Variants in INTS9 observed in about 807,000 individuals in gnomAD.
INTS9 encodes the protein protein related to CPSF subunits of 74 kDa.
Under a neutral mutation model 79.7 loss-of-function variants are expected in INTS9, and 55 were observed. The ratio of observed to expected loss-of-function variants is 0.69; its 90% CI spans 0.56 to 0.86. The LOEUF is 0.86. INTS9 is among the 40% of genes least tolerant of loss of function. The pLI, the probability that INTS9 is intolerant of heterozygous loss-of-function variation, is 0.00. For missense variants in INTS9, 721 were observed against 831.5 expected, an observed-to-expected ratio of 0.87 and a Z score of 1.64; for synonymous variants, 319 against 325.2, an observed-to-expected ratio of 0.98 and a Z score of 0.20.
chr8:28,871,672 C>T (rs1031167440), intron 1 of INTS9, among the ~76,000 whole-genome samples: 1 of 152,120 alleles, frequency 6.6e-6, no homozygotes, highest in Non-Finnish European at 1.5e-5. Flanking sequence ...TTCCAAAATG[C>T]TGGGATTACA....
intron 14 of INTS9, among the ~76,000 whole-genome samples, chr8:28,773,389 G>A (rs1410387850): frequency 2.7e-5 from 4 of 149,866 alleles, no homozygotes; most frequent in Non-Finnish European, 5.9e-5. Flanking sequence ...GCATGAAGCT[G>A]GGAGGCGGAG....
At chr8:28,812,503 T>A (rs748599165) in intron 7 of INTS9, 42 bp from the exon 8 acceptor site, 3 of 1,588,372 alleles carry the variant, frequency 1.9e-6, no homozygotes, top group Non-Finnish European at 2.6e-6. Context: ...GAGCTTACAG[T>A]GACAGTCACA....
At chr8:28,848,840 C>T (rs1807672826) in intron 3 of INTS9, among the ~76,000 whole-genome samples, 1 of 152,196 alleles carries the variant, frequency 6.6e-6, no homozygotes, top group African/African-American at 2.4e-5. Context: ...TAATGAAATA[C>T]TCCCACATAC....
intron 11 of INTS9, 62 bp downstream of exon 11, chr8:28,787,767 G>C: frequency 1.7e-6 from 2 of 1,169,904 alleles, no homozygotes; most frequent in Non-Finnish European, 2.6e-6. Context: ...CCTGCTGTCT[G>C]CATCTGCATC....
intron 2 of INTS9, among the ~76,000 whole-genome samples, chr8:28,858,461 G>A (rs758713665): frequency 6.6e-6 from 1 of 152,160 alleles, no homozygotes. Flanking sequence ...ATGTAAACAA[G>A]CTCCTCCCAA....
chr8:28,842,869 T>C (rs951308530), intron 4 of INTS9, among the ~76,000 whole-genome samples: 1 of 152,140 alleles, frequency 6.6e-6, no homozygotes, highest in Non-Finnish European at 1.5e-5. Context: ...TCTATTGGGG[T>C]CCCCTTCGAC....
intron 11 of INTS9, among the ~76,000 whole-genome samples, chr8:28,782,320 G>C (rs1456622383): frequency 6.6e-6 from 1 of 152,196 alleles, no homozygotes; most frequent in Non-Finnish European, 1.5e-5. Context: ...CAACACTCGT[G>C]AATCACCAAG....
At chr8:28,833,685 AAAAAG>A (rs1259573584) in intron 6 of INTS9, among the ~76,000 whole-genome samples, 1 of 151,958 alleles carries the variant, frequency 6.6e-6, no homozygotes, top group East Asian at 1.9e-4. Context: ...AAAGAAAAAA[AAAAAG>A]AAATCAAAAG....
intron 10 of INTS9, among the ~76,000 whole-genome samples, chr8:28,791,955 T>C (rs1585360458): frequency 2.6e-5 from 4 of 152,322 alleles, no homozygotes; most frequent in East Asian, 1.9e-4. Flanking sequence ...TGAAAACTGA[T>C]ACAGTGATTC....
intron 8 of INTS9, among the ~76,000 whole-genome samples, chr8:28,803,238 A>C (rs1313511475): frequency 6.6e-6 from 1 of 152,268 alleles, no homozygotes; most frequent in African/African-American, 2.4e-5. Context: ...AGTCAGACAG[A>C]GTAGCCAAGA....
intron 11 of INTS9, among the ~76,000 whole-genome samples, chr8:28,786,035 AC>A (rs1803566525): frequency 2.0e-5 from 3 of 152,218 alleles, no homozygotes; most frequent in South Asian, 4.1e-4. Context: ...TCACTACCAC[AC>A]TGGCATCTAA....
intron 12 of INTS9, chr8:28,780,354 A>C: frequency 1.0e-6 from 1 of 984,988 alleles, no homozygotes; most frequent in Non-Finnish European, 1.2e-6. Flanking sequence ...TACACTGATA[A>C]AATGATACAG....
chr8:28,824,666 G>A (rs1004269124), intron 6 of INTS9, among the ~76,000 whole-genome samples: 1 of 152,216 alleles, frequency 6.6e-6, no homozygotes, highest in Non-Finnish European at 1.5e-5. Context: ...GGCCGCCGCA[G>A]GGGCTGCTGC....
At chr8:28,810,427 T>C (rs1805045247) in intron 8 of INTS9, 3 of 152,280 alleles carry the variant, frequency 2.0e-5, no homozygotes, top group Non-Finnish European at 4.4e-5. Context: ...AGCTTCATTT[T>C]TGGTTTTATT....
At chr8:28,835,451 C>T (rs1412246177) in intron 5 of INTS9, 73 bp from the exon 6 acceptor site, 1 of 1,009,844 alleles carries the variant, frequency 9.9e-7, no homozygotes, top group Non-Finnish European at 1.5e-6. Flanking sequence ...TAACAGTTGG[C>T]CAGGAGAAAT....
intron 6 of INTS9, among the ~76,000 whole-genome samples, chr8:28,831,350 C>A (rs998553872): frequency 6.6e-6 from 1 of 152,158 alleles, no homozygotes; most frequent in Non-Finnish European, 1.5e-5. Context: ...ACAGCTAATG[C>A]ATATGGGGCT....
intron 1 of INTS9, among the ~76,000 whole-genome samples, chr8:28,881,241 A>G (rs56396026): frequency 1.9e-4 from 25 of 131,184 alleles, no homozygotes; most frequent in Admixed American, 3.0e-4. Flanking sequence ...CGCCCCGTCC[A>G]GGAGGGAGGT....
intron 9 of INTS9, among the ~76,000 whole-genome samples, chr8:28,795,490 AT>A (rs1804154710): frequency 6.6e-6 from 1 of 151,930 alleles, no homozygotes; most frequent in African/African-American, 2.4e-5. Flanking sequence ...AAATACAAAA[AT>A]TAGCCGGGCA....
intron 6 of INTS9, among the ~76,000 whole-genome samples, chr8:28,823,363 G>A (rs1805964270): frequency 6.6e-6 from 1 of 151,842 alleles, no homozygotes; most frequent in Non-Finnish European, 1.5e-5. Context: ...TGGAGTTCGA[G>A]AAAAACCTGT....
Sources: allele counts gnomAD v4.1 joint callset (sites outside exome capture counted in the v4.1 genomes callset), GRCh38; gene constraint gnomAD v4.1.1; transcripts MANE v1.5; gene names NCBI Gene and HGNC (gene_info 2026-07-23, HGNC 2026-07-21).